The following TXNDC16 variants were observed in gnomAD, a reference collection of about 807,000 sequenced individuals.
TXNDC16 encodes thioredoxin domain containing 16.
A neutral mutation model predicts 85.6 loss-of-function variants in TXNDC16; 74 were observed. The ratio of observed to expected loss-of-function variants is 0.86; its 90% CI spans 0.72 to 1.05. TXNDC16 has a LOEUF of 1.05. TXNDC16 is among the 50% of genes least tolerant of loss of function. The pLI is 0.00. For missense variants in TXNDC16, 959 were observed against 947.0 expected (o/e 1.01, Z -0.17); for synonymous variants, 335 against 326.5 (o/e 1.03, Z -0.28).
intron 20 of TXNDC16, among the ~76,000 whole-genome samples, chr14:52,438,421 A>G (rs1360723799): frequency 1.3e-5 from 2 of 152,248 alleles, no homozygotes; most frequent in Non-Finnish European, 2.9e-5. Flanking sequence ...GTTAGCAGCC[A>G]TCAGCACAGA....
chr14:52,520,054 T>G (rs1305865333), intron 6 of TXNDC16, among the ~76,000 whole-genome samples: 1 of 152,204 alleles, frequency 6.6e-6, no homozygotes, highest in African/African-American at 2.4e-5. Context: ...CCTAGTACAC[T>G]ATATTCAATA....
intron 9 of TXNDC16, among the ~76,000 whole-genome samples, chr14:52,507,719 T>C (rs2036845800): frequency 1.3e-5 from 2 of 152,122 alleles, no homozygotes; most frequent in East Asian, 1.9e-4. Context: ...AACAGAGATA[T>C]AGACCAATGG....
At chr14:52,486,688 A>G (rs1207872875) in intron 12 of TXNDC16, among the ~76,000 whole-genome samples, 1 of 152,192 alleles carries the variant, frequency 6.6e-6, no homozygotes, top group African/African-American at 2.4e-5. Flanking sequence ...GGGAGGGGGA[A>G]GAATTAGATA....
intron 19 of TXNDC16, 121 bp from the exon 20 acceptor site, chr14:52,439,515 A>G: frequency 1.1e-6 from 1 of 893,562 alleles, no homozygotes; most frequent in Non-Finnish European, 1.6e-6. Flanking sequence ...CTTTATGAAA[A>G]GATGTCCTAA....
intron 19 of TXNDC16, among the ~76,000 whole-genome samples, chr14:52,440,066 A>T (rs2035131554): frequency 6.6e-6 from 1 of 152,198 alleles, no homozygotes; most frequent in Admixed American, 6.5e-5. Flanking sequence ...TTTTCAAATG[A>T]TTTTAAAGAA....
At chr14:52,480,684 G>A (rs543286732) in intron 14 of TXNDC16, among the ~76,000 whole-genome samples, 6 of 152,044 alleles carry the variant, frequency 3.9e-5, no homozygotes, top group African/African-American at 7.2e-5. Flanking sequence ...AGATGTTGGC[G>A]TGGATGTGGT....
chr14:52,439,482 G>A, intron 19 of TXNDC16, 88 bp from the exon 20 acceptor site: 1 of 1,165,382 alleles, frequency 8.6e-7, no homozygotes, highest in Non-Finnish European at 1.2e-6. Context: ...AAACTTTTAA[G>A]TAGTATCATG....
chr14:52,536,440 C>G (rs1473057357), intron 6 of TXNDC16, among the ~76,000 whole-genome samples: 2 of 152,172 alleles, frequency 1.3e-5, no homozygotes, highest in Non-Finnish European at 2.9e-5. Context: ...ACTAAGATAC[C>G]TGGCAAAATC....
At chr14:52,490,570 A>G (rs2036377501) in intron 10 of TXNDC16, 119 bp from the exon 11 acceptor site, 2 of 863,962 alleles carry the variant, frequency 2.3e-6, no homozygotes, top group South Asian at 2.4e-5. Flanking sequence ...AAATATTACA[A>G]TTTAGTGACT....
chr14:52,490,752 C>T (rs1235559880), intron 10 of TXNDC16, 87 bp downstream of exon 10: 1 of 1,424,814 alleles, frequency 7.0e-7, no homozygotes, highest in Admixed American at 2.2e-5. Context: ...TTTGAGTTTA[C>T]TTATAAGTGA....
intron 6 of TXNDC16, 106 bp downstream of exon 6, chr14:52,536,613 A>C (rs1441915044): frequency 1.9e-6 from 2 of 1,050,248 alleles, no homozygotes; most frequent in Non-Finnish European, 2.7e-6. Context: ...TTGCCTACAA[A>C]TATAATGTTA....
chr14:52,483,632 G>A (rs2036199788), intron 12 of TXNDC16, among the ~76,000 whole-genome samples: 1 of 152,192 alleles, frequency 6.6e-6, no homozygotes, highest in Admixed American at 6.5e-5. Context: ...GCAGTGGCTA[G>A]ATCATAAGAG....
chr14:52,493,208 TATATATA>T (rs1247448042), intron 9 of TXNDC16, among the ~76,000 whole-genome samples: 2 of 119,752 alleles, frequency 1.7e-5, no homozygotes, highest in East Asian at 2.5e-4. Flanking sequence ...TATATATATA[TATATATA>T]TACACACACA....
At chr14:52,510,158 G>A (rs1246545015) in intron 9 of TXNDC16, among the ~76,000 whole-genome samples, 3 of 151,988 alleles carry the variant, frequency 2.0e-5, no homozygotes, top group Non-Finnish European at 2.9e-5. Flanking sequence ...AGAACAAAAC[G>A]AACACAAATC....
At chr14:52,480,107 A>C (rs2036111939) in intron 14 of TXNDC16, among the ~76,000 whole-genome samples, 1 of 152,194 alleles carries the variant, frequency 6.6e-6, no homozygotes, top group South Asian at 2.1e-4. Context: ...TTGGCAAGCC[A>C]CATGTAGGAG....
intron 9 of TXNDC16, among the ~76,000 whole-genome samples, chr14:52,505,106 A>G (rs112760117): frequency 6.6e-6 from 1 of 152,058 alleles, no homozygotes; most frequent in Non-Finnish European, 1.5e-5. Context: ...ACTTAGACTC[A>G]CACACAATAA....
At chr14:52,449,076 A>C (rs1013061575) in intron 18 of TXNDC16, among the ~76,000 whole-genome samples, 1 of 152,110 alleles carries the variant, frequency 6.6e-6, no homozygotes, top group African/African-American at 2.4e-5. Context: ...AAATGGCAGG[A>C]GTAAGTCCTT....
intron 18 of TXNDC16, among the ~76,000 whole-genome samples, chr14:52,452,110 C>T (rs917104328): frequency 2.0e-5 from 3 of 151,874 alleles, no homozygotes; most frequent in Non-Finnish European, 4.4e-5. Flanking sequence ...ATTAAATACC[C>T]AGGAATTAAC....
rs372360420 is a variant in TXNDC16, at chr14:52,434,866, A to G, written c.2195-2279T>C. ...AATTTAAGAATAGGAGCAGTGATGC[A>G]TAGAAATGATGGAAACCCGTAAAGA... On this transcript the variant is annotated intron_variant, in intron 20 of 20. Coordinates refer to ENST00000281741, the MANE Select transcript of TXNDC16 (RefSeq NM_020784.3). 3.3e-5 allele frequency among the ~76,000 whole-genome samples: 5 copies of G among 152,350 alleles called. No homozygotes were observed. In the South Asian group the frequency reaches 1.0e-3, roughly 32 times the overall value.
Sources: gnomAD v4.1 joint callset for allele counts (sites outside exome capture counted in the v4.1 genomes callset) on GRCh38, gnomAD v4.1.1 for gene constraint, MANE v1.5 for transcripts, NCBI Gene and HGNC (gene_info 2026-07-23, HGNC 2026-07-21) for gene names.